Variants in SUMF1 observed in about 807,000 individuals in gnomAD.
The protein encoded by SUMF1 is sulfatase modifying factor 1, also known as formylglycine-generating enzyme.
In SUMF1, 48 loss-of-function variants were observed where a neutral mutation model predicts 47.6. The ratio of observed to expected loss-of-function variants is 1.01; its 90% CI spans 0.80 to 1.28. SUMF1 has a LOEUF of 1.28. SUMF1 is among the 50% of genes most tolerant of loss of function. SUMF1 has a pLI of 0.00. For missense variants in SUMF1, 571 were observed against 485.4 expected (o/e 1.18, Z -1.66); for synonymous variants, 230 against 192.1 (o/e 1.20, Z -1.63).
At chr3:4,142,739 T>C (rs1271707202) in intron 8 of SUMF1, among the ~76,000 whole-genome samples, 4 of 151,738 alleles carry the variant, frequency 2.6e-5, no homozygotes, top group Non-Finnish European at 5.9e-5. Flanking sequence ...ATCTCGTGAA[T>C]GCTACAGGAT....
intron 7 of SUMF1, among the ~76,000 whole-genome samples, chr3:4,403,301 T>C (rs1417748276): frequency 6.6e-6 from 1 of 152,054 alleles, no homozygotes. Context: ...AACTCTTAAC[T>C]GCGGATGTAA....
intron 8 of SUMF1, among the ~76,000 whole-genome samples, chr3:4,211,199 C>CATATATATATATATAT (rs3046224): frequency 0.021 from 1,745 of 84,508 alleles, 129 homozygotes; most frequent in Middle Eastern, 0.027. Context: ...CATATACATA[C>CATATATATATATATAT]ATACATATAT....
At chr3:4,436,226 C>T (rs1010120224) in intron 3 of SUMF1, among the ~76,000 whole-genome samples, 1 of 152,116 alleles carries the variant, frequency 6.6e-6, no homozygotes, top group Non-Finnish European at 1.5e-5. Context: ...TAATATATGA[C>T]AACTCTAACA....
intron 8 of SUMF1, among the ~76,000 whole-genome samples, chr3:4,208,400 C>T (rs1695699554): frequency 6.7e-6 from 1 of 149,966 alleles, no homozygotes; most frequent in Admixed American, 6.7e-5. Context: ...GGCCTATTTA[C>T]TGCAGTTCCA....
intron 8 of SUMF1, among the ~76,000 whole-genome samples, chr3:4,335,975 A>AAAAG (rs1699144994): frequency 6.7e-6 from 1 of 149,496 alleles, no homozygotes; most frequent in Non-Finnish European, 1.5e-5. Context: ...AAAAAAAAAA[A>AAAAG]AAAAACAGAA....
At chr3:4,430,018 A>G (rs928518863) in intron 3 of SUMF1, among the ~76,000 whole-genome samples, 11 of 152,220 alleles carry the variant, frequency 7.2e-5, no homozygotes, top group African/African-American at 2.7e-4. Flanking sequence ...GAAGATATCT[A>G]CTGAAATTCC....
rs1039016108 is a variant in SUMF1 at position 4,101,780 on chromosome 3, TGTGA to T, written c.1015-33039_1015-33036del. On this transcript the variant is annotated intron_variant and NMD_transcript_variant, in intron 8 of 12. Coordinates refer to the SUMF1 transcript ENST00000448413. Reference sequence around the variant, plus strand: ...CAATTTTTTTCAGAGAGGTAGAAAATGTGAGTTTTATTAAAATGTGCTATTTACT... The same window carrying T: ...CAATTTTTTTCAGAGAGGTAGAAAATGTTTTATTAAAATGTGCTATTTACT... Among the ~76,000 whole-genome samples the T allele has an allele frequency of 2.2e-4, 34 of 152,058 alleles. 1 individual carries two copies. The highest frequency in any genetic ancestry group is 6.6e-5 in the Admixed American group (1 of 15,254).
At chr3:4,234,941 A>T (rs1373775497) in intron 8 of SUMF1, among the ~76,000 whole-genome samples, 1 of 152,198 alleles carries the variant, frequency 6.6e-6, no homozygotes, top group East Asian at 1.9e-4. Context: ...GTATCCACAT[A>T]TCCATATATG....
intron 8 of SUMF1, chr3:4,068,746 C>G (rs761648966): frequency 8.0e-6 from 3 of 375,050 alleles, no homozygotes; most frequent in South Asian, 5.9e-5. Flanking sequence ...ACTCTTGGGA[C>G]TAAAACAAAT....
chr3:4,301,509 G>C (rs1278852272), intron 8 of SUMF1, among the ~76,000 whole-genome samples: 1 of 152,200 alleles, frequency 6.6e-6, no homozygotes, highest in African/African-American at 2.4e-5. Context: ...GAGAATGACA[G>C]ACTTAAAGCA....
rs772406156 is a variant in SUMF1, at chr3:4,051,339, C to T, written c.1191+17230G>A. Among the ~76,000 whole-genome samples the T allele has an allele frequency of 4.6e-5, 7 of 152,210 alleles. No homozygotes were observed. In the South Asian group the frequency reaches 6.2e-4, roughly 14 times the overall value. On this transcript the variant is annotated intron_variant and NMD_transcript_variant, in intron 9 of 12. Coordinates refer to the SUMF1 transcript ENST00000448413. ...AGGATCACAGTGTTGTACATTCCTA[C>T]GTTCTTTTCTTTGTAACTAAGTCAC...
chr3:4,088,039 A>G (rs1416345497), intron 8 of SUMF1, among the ~76,000 whole-genome samples: 1 of 152,152 alleles, frequency 6.6e-6, no homozygotes. Flanking sequence ...AGAAGTATGG[A>G]CTAAGGAAGA....
At chr3:4,164,429 TC>T (rs1269819998) in intron 8 of SUMF1, among the ~76,000 whole-genome samples, 3 of 152,188 alleles carry the variant, frequency 2.0e-5, no homozygotes, top group Non-Finnish European at 4.4e-5. Flanking sequence ...GTTGGGGGCT[TC>T]TGGCCCAAAG....
At chr3:4,109,617 T>G (rs911318887) in intron 8 of SUMF1, among the ~76,000 whole-genome samples, 1 of 152,090 alleles carries the variant, frequency 6.6e-6, no homozygotes, top group African/African-American at 2.4e-5. Context: ...GGAGGCTTTG[T>G]TCATTTCTTT....
intron 8 of SUMF1, among the ~76,000 whole-genome samples, chr3:4,136,410 C>T (rs1466145048): frequency 1.3e-5 from 2 of 152,102 alleles, no homozygotes; most frequent in African/African-American, 2.4e-5. Flanking sequence ...GGAAAACTGG[C>T]TAGCCATATG....
intron 8 of SUMF1, among the ~76,000 whole-genome samples, chr3:4,253,005 A>G (rs1696841942): frequency 6.6e-6 from 1 of 152,248 alleles, no homozygotes; most frequent in Non-Finnish European, 1.5e-5. Context: ...AATGCAGTTT[A>G]TCACCAATTA....
At chr3:4,101,968 C>A (rs774081603) in intron 8 of SUMF1, among the ~76,000 whole-genome samples, 2 of 152,002 alleles carry the variant, frequency 1.3e-5, no homozygotes, top group Non-Finnish European at 2.9e-5. Context: ...GGCAGAAGAG[C>A]GAATGAATGA....
chr3:4,180,468 T>C (rs889612771), intron 8 of SUMF1, among the ~76,000 whole-genome samples: 1 of 151,688 alleles, frequency 6.6e-6, no homozygotes, highest in African/African-American at 2.4e-5. Context: ...CCACATGTTC[T>C]CACTCATAGG....
At chr3:4,380,039 T>C (rs1575154426) in intron 7 of SUMF1, among the ~76,000 whole-genome samples, 1 of 152,144 alleles carries the variant, frequency 6.6e-6, no homozygotes. Context: ...TGGCTATTGG[T>C]GGTGGTGTTT....
Sources: allele counts gnomAD v4.1 joint callset (sites outside exome capture counted in the v4.1 genomes callset), GRCh38; gene constraint gnomAD v4.1.1; transcripts MANE v1.5; gene names NCBI Gene and HGNC (gene_info 2026-07-23, HGNC 2026-07-21).